Variants in CTIF observed in about 807,000 individuals in gnomAD.
CTIF encodes CBP80/20-dependent translation initiation factor.
Under a neutral mutation model 66.0 loss-of-function variants are expected in CTIF, and 21 were observed. The observed-to-expected ratio is 0.32, with a 90% confidence interval of 0.23 to 0.46. The LOEUF is 0.46. Among genes scored for constraint, CTIF ranks in the 20% least tolerant of loss-of-function variants. CTIF has a pLI of 1.00. For synonymous variants in CTIF, 345 were observed against 326.4 expected, an observed-to-expected ratio of 1.06 and a Z score of -0.62; for missense variants, 739 against 812.7, an observed-to-expected ratio of 0.91 and a Z score of 1.10.
intron 9 of CTIF, among the ~76,000 whole-genome samples, chr18:48,766,520 G>T (rs1377190429): frequency 1.3e-5 from 2 of 152,224 alleles, no homozygotes; most frequent in Non-Finnish European, 2.9e-5. Flanking sequence ...AACACAGCAG[G>T]CAGGGGGCCT....
intron 7 of CTIF, among the ~76,000 whole-genome samples, chr18:48,714,058 A>G (rs908680419): frequency 1.3e-5 from 2 of 152,136 alleles, no homozygotes; most frequent in African/African-American, 4.8e-5. Flanking sequence ...TTTTTGTCTA[A>G]AAGCAGGGGT....
chr18:48,719,534 A>C (rs921622560), intron 7 of CTIF, among the ~76,000 whole-genome samples: 4 of 152,182 alleles, frequency 2.6e-5, no homozygotes, highest in Admixed American at 6.5e-5. Flanking sequence ...TCATATTTGC[A>C]CATTCGCCTA....
chr18:48,717,661 T>TA (rs1430325546), intron 7 of CTIF, among the ~76,000 whole-genome samples: 1 of 151,766 alleles, frequency 6.6e-6, no homozygotes, highest in Non-Finnish European at 1.5e-5. Context: ...ATATCTCAAT[T>TA]AAAAAAAATT....
intron 6 of CTIF, among the ~76,000 whole-genome samples, chr18:48,708,628 G>A (rs552227356): frequency 3.5e-4 from 53 of 152,344 alleles, no homozygotes; most frequent in African/African-American, 1.2e-3. Flanking sequence ...GGCCTGGATT[G>A]TTCCTGGAGA....
intron 1 of CTIF, among the ~76,000 whole-genome samples, chr18:48,589,666 G>A (rs1408199350): frequency 6.6e-6 from 1 of 152,180 alleles, no homozygotes; most frequent in Non-Finnish European, 1.5e-5. Flanking sequence ...CCTTGTGGGT[G>A]GATTTAGCTG....
rs145289995 is a variant in CTIF at position 48,625,680 on chromosome 18, G to T, written c.180+5935G>T. ...CCCACATGCCCCAGAGATTCTTCTGGGCTTGCACATCTGCTGTGTTCCGTT... is the reference window on the plus strand; with the variant it reads ...CCCACATGCCCCAGAGATTCTTCTGTGCTTGCACATCTGCTGTGTTCCGTT... On this transcript the variant is annotated intron_variant, in intron 2 of 11. Transcript: ENST00000256413. Among the ~76,000 whole-genome samples, 509 of 152,186 alleles carry T rather than the reference G, an allele frequency of 3.3e-3. 6 individuals carry two copies. The highest frequency in any genetic ancestry group is 0.012 in the African/African-American group (482 of 41,520).
At chr18:48,839,828 G>C (rs2068897043) in intron 10 of CTIF, among the ~76,000 whole-genome samples, 1 of 148,604 alleles carries the variant, frequency 6.7e-6, no homozygotes, top group Non-Finnish European at 1.5e-5. Flanking sequence ...GTGCTCCAAG[G>C]CTTTATGTCA....
At chr18:48,805,403 G>T (rs186537136) in intron 9 of CTIF, among the ~76,000 whole-genome samples, 5 of 147,540 alleles carry the variant, frequency 3.4e-5, no homozygotes, top group East Asian at 2.2e-4. Flanking sequence ...CTTCACTGGT[G>T]GGGGGGACCA....
intron 3 of CTIF, among the ~76,000 whole-genome samples, chr18:48,641,500 A>G (rs931413215): frequency 1.4e-4 from 21 of 152,140 alleles, no homozygotes; most frequent in Non-Finnish European, 2.9e-4. Flanking sequence ...ACAAATGATG[A>G]CTTTGAGTTT....
chr18:48,553,558 G>A (rs550574755), intron 1 of CTIF, among the ~76,000 whole-genome samples: 3 of 152,180 alleles, frequency 2.0e-5, no homozygotes, highest in Admixed American at 6.5e-5. Flanking sequence ...CGAGGCGTTC[G>A]TGATTTTACT....
At chr18:48,667,800 C>T (rs552027992) in intron 5 of CTIF, among the ~76,000 whole-genome samples, 68 of 152,280 alleles carry the variant, frequency 4.5e-4, no homozygotes, top group African/African-American at 1.6e-3. Context: ...GGCTCACTAG[C>T]CAAAGCCTGT....
At chr18:48,625,073 G>A (rs570683405) in intron 2 of CTIF, 10 of 239,956 alleles carry the variant, frequency 4.2e-5, no homozygotes, top group East Asian at 1.8e-4. Flanking sequence ...TTCTCTTTAC[G>A]TCTCTCCTTT....
intron 9 of CTIF, among the ~76,000 whole-genome samples, chr18:48,790,182 C>T (rs2067761731): frequency 6.6e-6 from 1 of 152,316 alleles, no homozygotes; most frequent in East Asian, 1.9e-4. Flanking sequence ...AGCTGAACCA[C>T]CTTTCCAAAA....
intron 1 of CTIF, among the ~76,000 whole-genome samples, chr18:48,555,152 G>A (rs1019311178): frequency 5.0e-5 from 7 of 140,720 alleles, no homozygotes; most frequent in African/African-American, 2.3e-4. Context: ...TGTGACCTGA[G>A]TGGTGCAGGA....
chr18:48,555,037 TCTGGATAAGGTGTCCAAACCTCTC>T (rs1285067025), intron 1 of CTIF, among the ~76,000 whole-genome samples: 1 of 152,244 alleles, frequency 6.6e-6, no homozygotes, highest in Non-Finnish European at 1.5e-5. Flanking sequence ...TTAAGGTTTC[TCTGGATAAGGTGTCCAAACCTCTC>T]CTGGCTTCCC....
chr18:48,729,572 A>C (rs1008158216), intron 7 of CTIF, among the ~76,000 whole-genome samples: 1 of 152,198 alleles, frequency 6.6e-6, no homozygotes, highest in Non-Finnish European at 1.5e-5. Context: ...CGAGACTCAG[A>C]AAGGTGATGC....
chr18:48,646,831 T>C (rs1029336691), intron 3 of CTIF, among the ~76,000 whole-genome samples: 3 of 138,062 alleles, frequency 2.2e-5, no homozygotes, highest in African/African-American at 8.1e-5. Context: ...GCAGAGAAAC[T>C]GGATCACTCC....
intron 3 of CTIF, among the ~76,000 whole-genome samples, chr18:48,637,242 T>C (rs533566724): frequency 3.1e-4 from 47 of 152,220 alleles, no homozygotes; most frequent in African/African-American, 1.1e-3. Context: ...CCCTGCTGCT[T>C]GCGGTGAGGT....
intron 9 of CTIF, among the ~76,000 whole-genome samples, chr18:48,772,505 A>ATAAC (rs1474553087): frequency 6.6e-6 from 1 of 152,060 alleles, no homozygotes; most frequent in Non-Finnish European, 1.5e-5. Context: ...CCCTACAGCA[A>ATAAC]TAACTCCCCT....
Sources: gnomAD v4.1 joint callset for allele counts (sites outside exome capture counted in the v4.1 genomes callset) on GRCh38, gnomAD v4.1.1 for gene constraint, MANE v1.5 for transcripts, NCBI Gene and HGNC (gene_info 2026-07-23, HGNC 2026-07-21) for gene names.